Variants in DIAPH2 observed in about 807,000 individuals in gnomAD.
The protein encoded by DIAPH2 is diaphanous related formin 2, also known as protein diaphanous homolog 2.
Under a neutral mutation model 92.7 loss-of-function variants are expected in DIAPH2, and 35 were observed. The observed-to-expected ratio is 0.38, with a 90% CI of 0.29 to 0.50. DIAPH2 has a LOEUF of 0.50. DIAPH2 is among the 20% of genes least tolerant of loss of function. DIAPH2 has a pLI of 0.94. For synonymous variants in DIAPH2, 301 were observed against 280.4 expected, an observed-to-expected ratio of 1.07 and a Z score of -0.73; for missense variants, 701 against 819.5, an observed-to-expected ratio of 0.86 and a Z score of 1.77.
intron 23 of DIAPH2, among the ~76,000 whole-genome samples, chrX:97,289,829 A>G (rs1462778981): frequency 1.8e-5 from 2 of 108,615 alleles, no homozygotes; most frequent in African/African-American, 6.7e-5. Context: ...GGTTCAAGCG[A>G]TTCTCCTGCC....
intron 4 of DIAPH2, among the ~76,000 whole-genome samples, chrX:96,765,083 C>T (rs1342241034): frequency 9.0e-6 from 1 of 111,028 alleles, no homozygotes; most frequent in Non-Finnish European, 1.9e-5. Context: ...ACACTGTTAC[C>T]AGTTATCTTG....
At chrX:96,881,311 C>T (rs2065211376) in intron 4 of DIAPH2, among the ~76,000 whole-genome samples, 1 of 110,941 alleles carries the variant, frequency 9.0e-6, no homozygotes, top group East Asian at 2.8e-4. Context: ...AATTTAAGCA[C>T]CCCTGTCAAT....
At chrX:97,112,567 A>G (rs1190853549) in intron 20 of DIAPH2, among the ~76,000 whole-genome samples, 1 of 109,593 alleles carries the variant, frequency 9.1e-6, no homozygotes, top group Non-Finnish European at 1.9e-5. Flanking sequence ...GGAGACATAG[A>G]CTTTGATGCG....
chrX:97,012,120 A>G (rs922274903), intron 17 of DIAPH2, among the ~76,000 whole-genome samples: 1 of 110,872 alleles, frequency 9.0e-6, no homozygotes, highest in African/African-American at 3.3e-5. Flanking sequence ...ATTGTAGGTT[A>G]AGATTCTACA....
chrX:96,948,899 A>G (rs1239058699), intron 14 of DIAPH2, 36 bp from the exon 15 acceptor site: 4 of 947,200 alleles, frequency 4.2e-6, no homozygotes, highest in Non-Finnish European at 5.8e-6. Context: ...TCTGAAAACT[A>G]TATTATTAAC....
intron 19 of DIAPH2, among the ~76,000 whole-genome samples, chrX:97,082,292 G>A (rs1383843950): frequency 2.8e-5 from 3 of 108,446 alleles, no homozygotes; most frequent in Non-Finnish European, 5.7e-5. Flanking sequence ...GAAATTAGAC[G>A]ATGGTCAGGG....
chrX:96,781,609 T>A (rs923637698), intron 4 of DIAPH2, among the ~76,000 whole-genome samples: 2 of 111,312 alleles, frequency 1.8e-5, no homozygotes, highest in Non-Finnish European at 1.9e-5. Flanking sequence ...TCTAAAATAA[T>A]TTTTCGGTCA....
chrX:97,282,137 T>TA (rs1316298566), intron 23 of DIAPH2, among the ~76,000 whole-genome samples: 1 of 111,513 alleles, frequency 9.0e-6, no homozygotes, highest in East Asian at 2.8e-4. Context: ...CCCTCAGAGT[T>TA]CAACAGTAAA....
chrX:97,038,021 C>G (rs754308018), intron 17 of DIAPH2, among the ~76,000 whole-genome samples: 1 of 111,183 alleles, frequency 9.0e-6, no homozygotes, highest in Non-Finnish European at 1.9e-5. Flanking sequence ...AACCTACCCC[C>G]TTCTGAGTCT....
intron 22 of DIAPH2, among the ~76,000 whole-genome samples, chrX:97,151,373 A>G (rs2067284575): frequency 8.9e-6 from 1 of 111,954 alleles, no homozygotes; most frequent in Non-Finnish European, 1.9e-5. Flanking sequence ...GCTTTTACCC[A>G]TGCTTAGTTA....
At chrX:97,330,027 A>G (rs771136745) in intron 23 of DIAPH2, among the ~76,000 whole-genome samples, 1 of 106,151 alleles carries the variant, frequency 9.4e-6, no homozygotes, top group Non-Finnish European at 1.9e-5. Context: ...CTCTCTCCTG[A>G]ACTTGCACAG....
chrX:97,012,771 T>C (rs1433620791), intron 17 of DIAPH2, among the ~76,000 whole-genome samples: 1 of 112,270 alleles, frequency 8.9e-6, no homozygotes, highest in African/African-American at 3.2e-5. Context: ...TGTGGGATTA[T>C]AGAAAATTTA....
chrX:96,916,274 T>C (rs1249502405), intron 7 of DIAPH2, among the ~76,000 whole-genome samples, 164 bp from the exon 8 acceptor site: 1 of 111,278 alleles, frequency 9.0e-6, no homozygotes, highest in Non-Finnish European at 1.9e-5. Flanking sequence ...TGATTTCATA[T>C]AAAAAACAAA....
chrX:96,876,882 A>G (rs1193166513), intron 4 of DIAPH2, among the ~76,000 whole-genome samples: 1 of 111,556 alleles, frequency 9.0e-6, no homozygotes, highest in Non-Finnish European at 1.9e-5. Flanking sequence ...CACGTTATGT[A>G]CATTTACCCT....
At chrX:96,831,072 T>G (rs2064851612) in intron 4 of DIAPH2, among the ~76,000 whole-genome samples, 1 of 112,185 alleles carries the variant, frequency 8.9e-6, no homozygotes, top group African/African-American at 3.2e-5. Flanking sequence ...AGTAGCTTTC[T>G]ATCTCTTTAT....
At chrX:97,327,171 T>G (rs1423440851) in intron 23 of DIAPH2, among the ~76,000 whole-genome samples, 1 of 111,427 alleles carries the variant, frequency 9.0e-6, no homozygotes, top group Non-Finnish European at 1.9e-5. Context: ...CCATCTCTGC[T>G]CACTGCAACC....
At chrX:97,346,762 T>C (rs2069160506) in intron 23 of DIAPH2, among the ~76,000 whole-genome samples, 1 of 111,549 alleles carries the variant, frequency 9.0e-6, no homozygotes, top group African/African-American at 3.3e-5. Flanking sequence ...GATTCTTCTC[T>C]GTGTCCATAT....
intron 17 of DIAPH2, among the ~76,000 whole-genome samples, chrX:97,008,447 T>A (rs1383419069): frequency 9.0e-6 from 1 of 111,680 alleles, no homozygotes. Flanking sequence ...ATTGAGGATA[T>A]GTTTTCCTTA....
intron 26 of DIAPH2, among the ~76,000 whole-genome samples, chrX:97,512,341 G>A (rs2070903484): frequency 8.9e-6 from 1 of 112,749 alleles, no homozygotes; most frequent in Non-Finnish European, 1.9e-5. Flanking sequence ...TATTTCTGTG[G>A]GATCGGTGGT....
Sources: gnomAD v4.1 joint callset for allele counts (sites outside exome capture counted in the v4.1 genomes callset) on GRCh38, gnomAD v4.1.1 for gene constraint, MANE v1.5 for transcripts, NCBI Gene and HGNC (gene_info 2026-07-23, HGNC 2026-07-21) for gene names.